Variants in TNS3 observed in about 807,000 individuals in gnomAD.
TNS3 encodes the protein tensin 3.
TNS3 carries 45 observed loss-of-function variants against 140.9 expected under a neutral mutation model. That is an observed-to-expected ratio of 0.32 (90% CI 0.25 to 0.41). TNS3 has a LOEUF of 0.41. Ranked by LOEUF, TNS3 falls within the 10% of genes least tolerant of loss-of-function variation. The pLI is 1.00. For synonymous variants in TNS3, 815 were observed against 788.4 expected, an observed-to-expected ratio of 1.03 and a Z score of -0.56; for missense variants, 1,716 against 1,906.7, an observed-to-expected ratio of 0.90 and a Z score of 1.86.
At chr7:47,505,799 GTATT>G (rs553759380) in intron 3 of TNS3, among the ~76,000 whole-genome samples, 126 of 152,318 alleles carry the variant, frequency 8.3e-4, no homozygotes, top group African/African-American at 2.9e-3. Context: ...GTGTGCATGT[GTATT>G]TATGTGCATG....
chr7:47,279,003 A>G (rs1785002998), intron 30 of TNS3: 1 of 152,224 alleles, frequency 6.6e-6, no homozygotes, highest in Non-Finnish European at 1.5e-5. Flanking sequence ...GGTAACCCCA[A>G]TACAGTCACA....
At chr7:47,294,562 T>C (rs1193230564) in intron 24 of TNS3, among the ~76,000 whole-genome samples, 3 of 152,224 alleles carry the variant, frequency 2.0e-5, no homozygotes, top group South Asian at 2.1e-4. Context: ...GATCCAGTGC[T>C]TCCTTCATCA....
At chr7:47,496,064 C>G (rs1486319383) in intron 3 of TNS3, among the ~76,000 whole-genome samples, 1 of 152,092 alleles carries the variant, frequency 6.6e-6, no homozygotes, top group Non-Finnish European at 1.5e-5. Context: ...GCCCAGAAGC[C>G]CAGAGGTGAA....
intron 6 of TNS3, among the ~76,000 whole-genome samples, chr7:47,438,445 G>A (rs1795299175): frequency 6.6e-6 from 1 of 152,188 alleles, no homozygotes; most frequent in Non-Finnish European, 1.5e-5. Context: ...AGGAGCCATG[G>A]TCCTGCAGAG....
At chr7:47,469,835 G>A (rs572774504) in intron 4 of TNS3, among the ~76,000 whole-genome samples, 25 of 152,068 alleles carry the variant, frequency 1.6e-4, no homozygotes, top group African/African-American at 5.1e-4. Context: ...TTAGCCAGGC[G>A]TAATGGCAGG....
chr7:47,344,067 GA>G (rs1789176011), intron 20 of TNS3, among the ~76,000 whole-genome samples: 1 of 152,142 alleles, frequency 6.6e-6, no homozygotes. Flanking sequence ...CGTAATGAAC[GA>G]AACTCCCAGA....
At position 47,389,184 on chromosome 7, in the gene TNS3, C is replaced by CAGAAGA. The variant is rs145260005; in HGVS notation, c.1024+7610_1024+7615dup. Among the ~76,000 whole-genome samples, 2 of 75,468 alleles carry CAGAAGA rather than the reference C, an allele frequency of 2.7e-5. 1 individual carries two copies. The highest frequency in any genetic ancestry group is 9.4e-5 in the African/African-American group (2 of 21,354). The allele number at this position is 75,468 out of a possible 152,430, so 49.5% of individuals were successfully genotyped here. On this transcript the variant is annotated intron_variant, in intron 16 of 30. Transcript: ENST00000311160. ...GAAGAAGCAGCAGAAGCAGAAGAAG[C>CAGAAGA]AGAAGAAGAAGAAGAAGAAGAAGAG...
chr7:47,318,726 G>A (rs1302603379), intron 20 of TNS3, among the ~76,000 whole-genome samples: 1 of 152,188 alleles, frequency 6.6e-6, no homozygotes, highest in Non-Finnish European at 1.5e-5. Flanking sequence ...TTATCATGAT[G>A]GAGAATGGAG....
At chr7:47,576,528 AG>A (rs879504223) in intron 1 of TNS3, among the ~76,000 whole-genome samples, 36 of 152,312 alleles carry the variant, frequency 2.4e-4, no homozygotes, top group Middle Eastern at 3.4e-3. Flanking sequence ...CAGTGATGAA[AG>A]GGGTAGGCGC....
At chr7:47,389,826 T>C (rs1296621882) in intron 16 of TNS3, among the ~76,000 whole-genome samples, 2 of 152,202 alleles carry the variant, frequency 1.3e-5, no homozygotes, top group East Asian at 1.9e-4. Flanking sequence ...GCTGCCTCAA[T>C]TCACAATCAA....
intron 10 of TNS3, among the ~76,000 whole-genome samples, chr7:47,422,890 A>AC (rs1562720985): frequency 1.3e-5 from 2 of 151,922 alleles, no homozygotes; most frequent in Non-Finnish European, 1.5e-5. Flanking sequence ...CAAAAAAAAA[A>AC]CCCAAGTGAC....
At chr7:47,413,251 C>CT (rs71003398) in intron 12 of TNS3, among the ~76,000 whole-genome samples, 11,236 of 52,926 alleles carry the variant, frequency 0.21, 2,213 homozygotes, top group Non-Finnish European at 0.26. Context: ...CAAGCCTGGC[C>CT]TTTTTTTTTT....
chr7:47,420,565 T>C (rs949082456), intron 10 of TNS3, among the ~76,000 whole-genome samples: 1 of 152,174 alleles, frequency 6.6e-6, no homozygotes, highest in African/African-American at 2.4e-5. Context: ...GAGGGCACTA[T>C]GCATTCGGGC....
chr7:47,392,775 G>A lies in TNS3; in HGVS notation c.1024+4025C>T, dbSNP rs137927731. Reference sequence around the variant, plus strand: ...ACACCGGCCTCCATGCCAAAGAGGGGCTGAGGAGGGCTGCAGAGTGGAAGA... The same window carrying A: ...ACACCGGCCTCCATGCCAAAGAGGGACTGAGGAGGGCTGCAGAGTGGAAGA... On this transcript the variant is annotated intron_variant, in intron 16 of 30. Transcript: ENST00000311160. 8.1e-3 allele frequency among the ~76,000 whole-genome samples: 1,232 copies of A among 152,374 alleles called. 16 individuals are homozygous for A. The highest frequency in any genetic ancestry group is 0.028 in the African/African-American group (1,175 of 41,586).
chr7:47,494,485 T>A (rs150050884), intron 3 of TNS3, among the ~76,000 whole-genome samples: 1 of 152,202 alleles, frequency 6.6e-6, no homozygotes, highest in African/African-American at 2.4e-5. Flanking sequence ...TTCTATCCAC[T>A]CCACCTCCCC....
chr7:47,403,627 C>G (rs1298845737), intron 13 of TNS3, among the ~76,000 whole-genome samples: 1 of 152,132 alleles, frequency 6.6e-6, no homozygotes, highest in Non-Finnish European at 1.5e-5. Flanking sequence ...TAAACACCAC[C>G]CTCCCCAGTC....
chr7:47,279,693 ACT>A (rs1340815461), intron 30 of TNS3: 5 of 158,338 alleles, frequency 3.2e-5, no homozygotes, highest in East Asian at 2.0e-4. Context: ...AAAGAGCAAA[ACT>A]CTGTCTCAAA....
chr7:47,359,495 G>A (rs1368701430), intron 17 of TNS3, among the ~76,000 whole-genome samples: 1 of 152,122 alleles, frequency 6.6e-6, no homozygotes, highest in Non-Finnish European at 1.5e-5. Context: ...CAATGCAAAT[G>A]TCCTTACTAC....
intron 4 of TNS3, among the ~76,000 whole-genome samples, chr7:47,455,137 G>A (rs1796194663): frequency 1.3e-5 from 2 of 152,124 alleles, no homozygotes; most frequent in African/African-American, 4.8e-5. Flanking sequence ...TGCTGACGGG[G>A]GCAAGACCCA....
Sources: gnomAD v4.1 joint callset for allele counts (sites outside exome capture counted in the v4.1 genomes callset) on GRCh38, gnomAD v4.1.1 for gene constraint, MANE v1.5 for transcripts, NCBI Gene and HGNC (gene_info 2026-07-23, HGNC 2026-07-21) for gene names.